The following ASPM variants were observed in gnomAD, a reference collection of about 807,000 sequenced individuals.
ASPM encodes abnormal spindle-like microcephaly-associated protein.
Under a neutral mutation model 366.4 loss-of-function variants are expected in ASPM, and 256 were observed. The ratio of observed to expected loss-of-function variants is 0.70; its 90% CI spans 0.63 to 0.77. The LOEUF is 0.77. Among genes scored for constraint, ASPM ranks in the 30% least tolerant of loss-of-function variants. ASPM has a pLI of 0.00. For missense variants in ASPM, 4,146 were observed against 4,090.4 expected (o/e 1.01, Z -0.37); for synonymous variants, 1,414 against 1,342.9 (o/e 1.05, Z -1.16).
At chr1:197,087,638 C>T (rs575638807) in intron 26 of ASPM, among the ~76,000 whole-genome samples, 14 of 152,260 alleles carry the variant, frequency 9.2e-5, no homozygotes, top group African/African-American at 2.6e-4. Flanking sequence ...TACCTCTCAG[C>T]GACACAATCC....
Position 197,138,670 on chromosome 1 carries a change from T to G in ASPM, c.2026+1097A>C, listed in dbSNP as rs112174053. On this transcript the variant is annotated intron_variant, in intron 4 of 27. Transcript: ENST00000367409. Reference sequence around the variant, plus strand: ...TTTTAAAATAAGAACTTCAATCAGATTTAAATGCTACAAATACAATCACAG... The same window carrying G: ...TTTTAAAATAAGAACTTCAATCAGAGTTAAATGCTACAAATACAATCACAG... The G allele has an allele frequency of 1.2e-3, 701 of 577,268 alleles. 5 individuals carry two copies. The East Asian group carries it at 0.019, about 15-fold the overall frequency. 35.8% of individuals were successfully genotyped at this position (577,268 alleles called of 1,614,324 possible).
intron 17 of ASPM, among the ~76,000 whole-genome samples, chr1:197,112,660 T>C (rs983072403): frequency 2.6e-5 from 4 of 152,146 alleles, no homozygotes; most frequent in African/African-American, 9.6e-5. Flanking sequence ...AGAATGCAAC[T>C]GTTTGTCTCT....
rs1045516694 is a variant in ASPM at position 197,094,069 on chromosome 1, A to G, written c.9084+15T>C. 2.1e-6 allele frequency: 3 copies of G among 1,456,736 alleles called. No individual in the cohort carries two copies. The African/African-American group carries it at 4.2e-5, about 20-fold the overall frequency. 90.2% of individuals were successfully genotyped at this position (1,456,736 alleles called of 1,614,324 possible). A position where few individuals can be genotyped will look rare whatever the true frequency, so the allele number is the denominator to read the frequency against. ...AAAGTAGTTATTTGCAAGTGAATTA[A>G]TTTTTAATACCTACTTTTATCATTA... On this transcript the variant is annotated intron_variant, in intron 20 of 27. Coordinates refer to ENST00000367409, the MANE Select transcript of ASPM (RefSeq NM_018136.5).
chr1:197,104,812 T>C lies in ASPM; in HGVS notation c.4439A>G (p.Glu1480Gly). Reference protein sequence around the residue: ...IIQSWYRMHKELRKYIYIRSC... With the variant: ...IIQSWYRMHKGLRKYIYIRSC... ...TCTAATATAAATATATTTCCGTAATTCTTTATGCATTCTATACCATGATTG... is the reference window on the plus strand; with the variant it reads ...TCTAATATAAATATATTTCCGTAATCCTTTATGCATTCTATACCATGATTG... Residue 1480 changes from glutamate (E) to glycine (G), a missense_variant, in exon 18 of 28, where the codon GAA becomes GGA. Around this residue, in one of 3 missense-constraint regions of ASPM, gnomAD observed 3,624 missense variants for 3,591.7 expected, o/e 1.01. Transcript: ENST00000367409. 1 of 1,579,926 alleles carries C rather than the reference T, an allele frequency of 6.3e-7. No homozygotes were observed. The highest frequency in any genetic ancestry group is 8.6e-7 in the Non-Finnish European group (1 of 1,166,278).
intron 10 of ASPM, 24 bp from the exon 11 acceptor site, chr1:197,125,215 T>C (rs1658054507): frequency 1.2e-6 from 2 of 1,613,158 alleles, no homozygotes; most frequent in Non-Finnish European, 1.7e-6. Context: ...AATGTTCAGA[T>C]GAAATTATCA....
At position 197,118,061 on chromosome 1, in the gene ASPM, G is replaced by A. The variant is rs1046374343; in HGVS notation, c.3871-78C>T. 4 of 1,312,734 alleles carry A rather than the reference G, an allele frequency of 3.0e-6. No homozygotes were observed. In the African/African-American group the frequency reaches 5.8e-5, roughly 19 times the overall value. 81.3% of individuals were successfully genotyped at this position (1,312,734 alleles called of 1,614,324 possible). A position where few individuals can be genotyped will look rare whatever the true frequency, so the allele number is the denominator to read the frequency against. On this transcript the variant is annotated intron_variant, in intron 16 of 27. Coordinates refer to ENST00000367409, the MANE Select transcript of ASPM (RefSeq NM_018136.5). Reference sequence around the variant, plus strand: ...ATTATTCTTTGTAAGATAACCATATGTTAAACACCAATCAAATTGATACTG... The same window carrying A: ...ATTATTCTTTGTAAGATAACCATATATTAAACACCAATCAAATTGATACTG...
chr1:197,142,309 A>G lies in ASPM; in HGVS notation c.1921+22T>C, dbSNP rs113311344. ...ATCCCCTTTACAGGTATACTTCAGT[A>G]GATTTTATAAACAAGACTCACCAGT... On this transcript the variant is annotated intron_variant, in intron 3 of 27. Transcript: ENST00000367409. 4.3e-6 allele frequency: 7 copies of G among 1,610,210 alleles called. No homozygotes were observed. In the East Asian group the frequency reaches 1.3e-4, roughly 31 times the overall value.
rs1237918382 is a variant in ASPM at position 197,143,366 on chromosome 1, G to A, written c.886C>T (p.Leu296Phe). 1 of 1,613,888 alleles carries A rather than the reference G, an allele frequency of 6.2e-7. No individual in the cohort carries two copies. The highest frequency in any genetic ancestry group is 1.7e-5 in the Admixed American group (1 of 60,010). ...GAAGAACAGTTGGGGGTAAGACTAAGTTTACTATTCTCTCCTCTTTGGCCA... is the reference window on the plus strand; with the variant it reads ...GAAGAACAGTTGGGGGTAAGACTAAATTTACTATTCTCTCCTCTTTGGCCA... ...VNGQRGENSK[L>F]SLTPNCSSTL... The change falls in exon 3 of 28, where the codon CTT becomes TTT. Residue 296 changes from leucine (L) to phenylalanine (F), a missense_variant. By Grantham distance (22) the Leu-to-Phe change is conservative. This residue lies in a region of ASPM where 512 missense variants were observed against 471.7 expected (regional missense o/e 1.09). Transcript: ENST00000367409.
At chr1:197,120,888 T>A (rs528587355) in intron 16 of ASPM, among the ~76,000 whole-genome samples, 1 of 152,274 alleles carries the variant, frequency 6.6e-6, no homozygotes, top group Admixed American at 6.5e-5. Flanking sequence ...TTTCCCAAAC[T>A]TTACTATGAA....
chr1:197,085,839 T>C lies in ASPM; in HGVS notation c.10331+964A>G, dbSNP rs185549173. Reference sequence around the variant, plus strand: ...CAGTGGTGGTAGTTTCCTAACTGTATACATTTGTCAAAACGAATTGAATTG... The same window carrying C: ...CAGTGGTGGTAGTTTCCTAACTGTACACATTTGTCAAAACGAATTGAATTG... On this transcript the variant is annotated intron_variant, in intron 27 of 27. Coordinates refer to ENST00000367409, the MANE Select transcript of ASPM (RefSeq NM_018136.5). 4.9e-3 allele frequency among the ~76,000 whole-genome samples: 741 copies of C among 152,282 alleles called. 6 individuals carry two copies. Among genetic ancestry groups the C allele is most frequent in the Middle Eastern group, 0.02 (6 of 294 alleles).
At chr1:197,137,876 T>C (rs886710054) in intron 4 of ASPM, among the ~76,000 whole-genome samples, 3 of 152,236 alleles carry the variant, frequency 2.0e-5, no homozygotes, top group Non-Finnish European at 4.4e-5. Context: ...CATTGTACTC[T>C]GATTTTCTCT....
rs1658378749 is a variant in ASPM, at chr1:197,135,174, G to A, written c.2095C>T (p.Gln699Ter). Residue 699 changes from glutamine to a stop codon, truncating the protein, a stop_gained, in exon 5 of 28, where the codon CAG becomes TAG. Coordinates refer to ENST00000367409, the MANE Select transcript of ASPM (RefSeq NM_018136.5). LOFTEE classifies it high-confidence loss of function. ...MFYDERWKEK[Q>*]EQGFTWWLNF... The stretch of plus-strand genomic sequence containing the variant: ...AACCACCAAGTGAAGCCCTGTTCCT[G>A]CTTTTCCTTCCAGCGTTCATCATAA... 2.5e-6 allele frequency: 4 copies of A among 1,613,538 alleles called. No homozygotes were observed. The East Asian group carries it at 8.9e-5, about 36-fold the overall frequency.
Position 197,086,596 on chromosome 1 carries a change from A to G in ASPM, c.10331+207T>C, listed in dbSNP as rs1656595727. ...TTTAATATAAGAAGTTTGTTGAATA[A>G]CTATTAAATGTCCAAAGCTACAGTA... On this transcript the variant is annotated intron_variant, in intron 27 of 27. Transcript: ENST00000367409. Among the ~76,000 whole-genome samples, 2 of 152,202 alleles carry G rather than the reference A, an allele frequency of 1.3e-5. 1 individual carries two copies. Among genetic ancestry groups the G allele is most frequent in the East Asian group, 3.8e-4 (2 of 5,198 alleles).
At chr1:197,091,849 C>A in intron 22 of ASPM, 58 bp downstream of exon 22, 2 of 1,558,626 alleles carry the variant, frequency 1.3e-6, no homozygotes, top group Non-Finnish European at 1.8e-6. Context: ...TATTACATAT[C>A]AAAAATTTCT....
Position 197,105,012 on chromosome 1 carries a change from A to C in ASPM, c.4239T>G (p.Asp1413Glu). 6.2e-7 allele frequency: 1 copy of C among 1,610,792 alleles called. No individual in the cohort carries two copies. The highest frequency in any genetic ancestry group is 8.5e-7 in the Non-Finnish European group (1 of 1,178,374). ...HWRAYLRRKQ[D>E]QQRYEMLKSS... ...ATTTTAGCATTTCATATCTTTGTTG[A>C]TCTTGTTTTCTTCTTAAATAAGCAC... The change falls in exon 18 of 28, where the codon GAT becomes GAG. Residue 1413 changes from aspartate to glutamate, a missense_variant. Physicochemically the swap from Asp to Glu is conservative, Grantham distance 45 (BLOSUM62 2). Coordinates refer to ENST00000367409, the MANE Select transcript of ASPM (RefSeq NM_018136.5).
intron 27 of ASPM, 98 bp downstream of exon 27, chr1:197,086,705 G>T: frequency 9.4e-7 from 1 of 1,067,632 alleles, no homozygotes; most frequent in Non-Finnish European, 1.4e-6. Flanking sequence ...TTTCTCCACT[G>T]AAAAGCACAT....
At chr1:197,136,838 A>G (rs1190284003) in intron 4 of ASPM, among the ~76,000 whole-genome samples, 3 of 152,188 alleles carry the variant, frequency 2.0e-5, no homozygotes, top group Non-Finnish European at 4.4e-5. Context: ...TTATAAAATT[A>G]AAAGTTATAT....
intron 22 of ASPM, 87 bp from the exon 23 acceptor site, chr1:197,091,128 A>G: frequency 3.6e-6 from 4 of 1,114,786 alleles, no homozygotes; most frequent in Non-Finnish European, 5.2e-6. Flanking sequence ...CATAAATGAA[A>G]GAAATAGAAC....
chr1:197,138,881 T>C, intron 4 of ASPM: 1 of 952,144 alleles, frequency 1.1e-6, no homozygotes, highest in Non-Finnish European at 1.7e-6. Context: ...CGAGCTTCCT[T>C]ATCTCCTCCT....
Sources: allele counts gnomAD v4.1 joint callset (sites outside exome capture counted in the v4.1 genomes callset), GRCh38; gene constraint gnomAD v4.1.1; regional missense constraint gnomAD v4.1.1; transcripts MANE v1.5; gene names NCBI Gene and HGNC (gene_info 2026-07-23, HGNC 2026-07-21).